The following SH3KBP1 variants were observed in gnomAD, a reference collection of about 807,000 sequenced individuals.
SH3KBP1 encodes SH3 domain containing kinase binding protein 1.
SH3KBP1 carries 8 observed loss-of-function variants against 50.1 expected under a neutral mutation model. The ratio of observed to expected loss-of-function variants is 0.16; its 90% CI spans 0.09 to 0.29. The LOEUF (loss-of-function observed/expected upper bound fraction) is 0.29. Ranked by LOEUF, SH3KBP1 falls within the 10% of genes least tolerant of loss-of-function variation. The probability of loss-of-function intolerance (pLI) is 1.00; values close to 1 mark genes in which losing one functional copy is unlikely to be tolerated. For missense variants in SH3KBP1, 377 were observed against 535.2 expected (o/e 0.70, Z 2.92); for synonymous variants, 227 against 218.6 (o/e 1.04, Z -0.34).
chrX:19,552,267 C>T (rs2065264532), intron 13 of SH3KBP1, among the ~76,000 whole-genome samples: 2 of 111,649 alleles, frequency 1.8e-5, no homozygotes, highest in Admixed American at 1.9e-4. Context: ...AATATCCTTG[C>T]ATGTACTCTA....
chrX:19,701,525 C>A lies in SH3KBP1; in HGVS notation c.390+5356G>T, dbSNP rs185274378. Among the ~76,000 whole-genome samples the A allele has an allele frequency of 2.2e-4, 24 of 111,582 alleles. No homozygotes were observed. The Admixed American group carries it at 2.2e-3, about 10-fold the overall frequency. ...TCACAGGTCCTCCCCTAATGCAGAG[C>A]AAGGCTCTACTAACACCATGTCCTC... On this transcript the variant is annotated intron_variant, in intron 4 of 17. Transcript: ENST00000397821.
chrX:19,820,507 T>C (rs1038033661), intron 2 of SH3KBP1, among the ~76,000 whole-genome samples: 6 of 111,851 alleles, frequency 5.4e-5, no homozygotes, highest in Non-Finnish European at 1.1e-4. Context: ...CCCTATCTGA[T>C]ATTATATGTA....
chrX:19,691,892 T>C (rs1341968621), intron 5 of SH3KBP1, among the ~76,000 whole-genome samples: 2 of 111,627 alleles, frequency 1.8e-5, no homozygotes. Context: ...GCCTTCAAGA[T>C]AATATGGACA....
intron 2 of SH3KBP1, among the ~76,000 whole-genome samples, chrX:19,822,434 G>A (rs1255707475): frequency 9.0e-6 from 1 of 111,727 alleles, no homozygotes; most frequent in Non-Finnish European, 1.9e-5. Flanking sequence ...TCTTTCCTCT[G>A]TCATCTATTA....
At chrX:19,780,165 T>C (rs2066124767) in intron 2 of SH3KBP1, among the ~76,000 whole-genome samples, 1 of 108,886 alleles carries the variant, frequency 9.2e-6, no homozygotes, top group African/African-American at 3.3e-5. Flanking sequence ...CTCATTGTGG[T>C]TTTGATTTGC....
intron 12 of SH3KBP1, among the ~76,000 whole-genome samples, chrX:19,576,090 A>G (rs41432147): frequency 0.22 from 24,940 of 111,746 alleles, 2,190 homozygotes; most frequent in African/African-American, 0.3. Context: ...ATATCCAAAG[A>G]CATCAGAAGA....
At chrX:19,726,616 T>A (rs1448390874) in intron 3 of SH3KBP1, among the ~76,000 whole-genome samples, 1 of 110,545 alleles carries the variant, frequency 9.0e-6, no homozygotes, top group African/African-American at 3.3e-5. Context: ...GCTGCTGGGG[T>A]TTTGTAGTAA....
chrX:19,747,872 G>C (rs1199889943), intron 2 of SH3KBP1, among the ~76,000 whole-genome samples: 2 of 112,458 alleles, frequency 1.8e-5, no homozygotes, highest in Non-Finnish European at 3.8e-5. Flanking sequence ...GTGTGTGCTT[G>C]AATATATGTA....
At chrX:19,687,108 T>C (rs185204290) in intron 5 of SH3KBP1, among the ~76,000 whole-genome samples, 130 of 113,054 alleles carry the variant, frequency 1.1e-3, no homozygotes, top group African/African-American at 3.9e-3. Context: ...AAGTCTGCCA[T>C]GTGGTGATTG....
At chrX:19,864,321 C>A (rs970171894) in intron 1 of SH3KBP1, among the ~76,000 whole-genome samples, 3 of 111,144 alleles carry the variant, frequency 2.7e-5, no homozygotes, top group Non-Finnish European at 5.7e-5. Context: ...ACAACACCCC[C>A]CCACCCCCTG....
At chrX:19,876,186 C>T (rs1375202139) in intron 1 of SH3KBP1, among the ~76,000 whole-genome samples, 1 of 111,091 alleles carries the variant, frequency 9.0e-6, no homozygotes, top group Admixed American at 9.6e-5. Context: ...TGGTGAAACC[C>T]CATCTCCACT....
At chrX:19,766,481 ATCTTTTTTTTTTTTTTT>A (rs1162753333) in intron 2 of SH3KBP1, among the ~76,000 whole-genome samples, 3 of 43,667 alleles carry the variant, frequency 6.9e-5, no homozygotes, top group African/African-American at 3.2e-4. Context: ...TGTTGATTGC[ATCTTTTTTTTTTTTTTT>A]TTTTTTTTTT....
intron 2 of SH3KBP1, among the ~76,000 whole-genome samples, chrX:19,763,219 C>T (rs1603215643): frequency 1.8e-5 from 2 of 111,909 alleles, no homozygotes; most frequent in Admixed American, 9.5e-5. Flanking sequence ...CAACTTGGTG[C>T]ATCCTTACTT....
At chrX:19,740,018 A>G (rs1368618241) in intron 3 of SH3KBP1, among the ~76,000 whole-genome samples, 1 of 111,060 alleles carries the variant, frequency 9.0e-6, no homozygotes, top group African/African-American at 3.3e-5. Context: ...AAGGAGATTA[A>G]ACATAACAGA....
intron 9 of SH3KBP1, among the ~76,000 whole-genome samples, chrX:19,599,976 A>T (rs1442509617): frequency 9.1e-6 from 1 of 109,672 alleles, no homozygotes; most frequent in Non-Finnish European, 1.9e-5. Context: ...TCTACTAAAA[A>T]TACAAAAAAT....
intron 1 of SH3KBP1, among the ~76,000 whole-genome samples, chrX:19,854,923 A>G (rs754522210): frequency 2.7e-5 from 3 of 111,679 alleles, no homozygotes; most frequent in South Asian, 7.4e-4. Context: ...CTCCTCATAC[A>G]CTGCTTTGTA....
intron 2 of SH3KBP1, among the ~76,000 whole-genome samples, chrX:19,767,880 C>A (rs929934470): frequency 2.7e-5 from 3 of 110,744 alleles, no homozygotes; most frequent in Non-Finnish European, 3.8e-5. Context: ...TCCCTCCCCC[C>A]ACACCAGTAG....
intron 3 of SH3KBP1, among the ~76,000 whole-genome samples, chrX:19,708,557 T>C: frequency 9.0e-6 from 1 of 111,340 alleles, no homozygotes; most frequent in East Asian, 2.8e-4. Flanking sequence ...GAATGGGTAT[T>C]CCGATGCAAA....
At chrX:19,538,848 A>G (rs970351696) in intron 16 of SH3KBP1, among the ~76,000 whole-genome samples, 3 of 111,759 alleles carry the variant, frequency 2.7e-5, no homozygotes, top group Non-Finnish European at 3.8e-5. Context: ...CAGCCTCCCA[A>G]AGTGCTAGGA....
Sources: gnomAD v4.1 joint callset for allele counts (sites outside exome capture counted in the v4.1 genomes callset) on GRCh38, gnomAD v4.1.1 for gene constraint, MANE v1.5 for transcripts, NCBI Gene and HGNC (gene_info 2026-07-23, HGNC 2026-07-21) for gene names.